Variants in DNAH11 observed in about 807,000 individuals in gnomAD.
DNAH11 encodes the protein dynein axonemal heavy chain 11.
Under a neutral mutation model 526.0 loss-of-function variants are expected in DNAH11, and 442 were observed. The observed-to-expected ratio is 0.84, with a 90% CI of 0.78 to 0.91. DNAH11 has a LOEUF of 0.91. Ranked by LOEUF, DNAH11 falls within the 40% of genes least tolerant of loss-of-function variation. The probability of loss-of-function intolerance (pLI) is 0.00; values close to 1 mark genes in which losing one functional copy is unlikely to be tolerated. For synonymous variants in DNAH11, 2,461 were observed against 1,935.9 expected (o/e 1.27, Z -7.12); for missense variants, 6,989 against 5,448.7 (o/e 1.28, Z -8.90).
intron 62 of DNAH11, among the ~76,000 whole-genome samples, chr7:21,803,047 A>C (rs913065103): frequency 6.6e-6 from 1 of 151,930 alleles, no homozygotes; most frequent in East Asian, 1.9e-4. Context: ...TACTTTTTAA[A>C]GTATAAAGTC....
intron 27 of DNAH11, among the ~76,000 whole-genome samples, chr7:21,638,691 GGTGTGTGTGTGTGTGT>G (rs56257528): frequency 2.3e-4 from 33 of 144,216 alleles, no homozygotes; most frequent in Admixed American, 4.8e-4. Flanking sequence ...CAGCTAATGG[GGTGTGTGTGTGTGTGT>G]GTGTGTGTGT....
chr7:21,839,755 T>C (rs1207115184), intron 65 of DNAH11, among the ~76,000 whole-genome samples: 4 of 151,938 alleles, frequency 2.6e-5, no homozygotes, highest in African/African-American at 9.7e-5. Flanking sequence ...ACTAATAGGG[T>C]TTTCAAAAGT....
At chr7:21,821,619 A>G (rs573562595) in intron 65 of DNAH11, among the ~76,000 whole-genome samples, 3 of 152,222 alleles carry the variant, frequency 2.0e-5, no homozygotes, top group Admixed American at 6.5e-5. Flanking sequence ...GGGGTACATG[A>G]GATATTTTGA....
chr7:21,883,362 T>C (rs867185548), intron 75 of DNAH11, among the ~76,000 whole-genome samples: 21 of 152,336 alleles, frequency 1.4e-4, no homozygotes, highest in African/African-American at 5.1e-4. Context: ...AAAGAGAGGC[T>C]TCAAACCCTG....
chr7:21,842,163 T>A (rs1330649336), intron 65 of DNAH11, among the ~76,000 whole-genome samples: 1 of 152,246 alleles, frequency 6.6e-6, no homozygotes, highest in East Asian at 1.9e-4. Context: ...GTGGTAAAAC[T>A]GGTTTCTTCA....
In DNAH11 at chr7:21,735,658, A is replaced by T. The variant is rs541281775; in HGVS notation, c.7459A>T (p.Thr2487Ser). The change falls in exon 46 of 82, where the codon ACA (threonine) becomes TCA (serine). Residue 2487 changes from threonine to serine, a missense_variant. Coordinates refer to ENST00000409508, the MANE Select transcript of DNAH11 (RefSeq NM_001277115.2). Reference protein sequence around the residue: ...VPLQTVLVHTTETARLRYFME... With the variant: ...VPLQTVLVHTSETARLRYFME... Reference sequence around the variant, plus strand: ...CTCCCAGACAGTTCTCGTTCACACAACAGAGACAGCTCGTCTTAGATATTT... The same window carrying T: ...CTCCCAGACAGTTCTCGTTCACACATCAGAGACAGCTCGTCTTAGATATTT... The T allele has an allele frequency of 4.4e-6, 7 of 1,596,622 alleles. No individual in the cohort carries two copies. The African/African-American group carries it at 9.4e-5, about 21-fold the overall frequency.
intron 53 of DNAH11, 42 bp from the exon 54 acceptor site, chr7:21,750,180 T>C: frequency 1.3e-6 from 2 of 1,526,998 alleles, no homozygotes; most frequent in Non-Finnish European, 1.8e-6. Context: ...AAAATTTAAA[T>C]TGCAATGATC....
chr7:21,587,265 T>A (rs1395623371), intron 9 of DNAH11, among the ~76,000 whole-genome samples: 2 of 152,136 alleles, frequency 1.3e-5, no homozygotes, highest in Non-Finnish European at 2.9e-5. Context: ...GTTTGAAATC[T>A]AGGGGGCTCC....
At chr7:21,885,108 GATT>G (rs1277037880) in intron 76 of DNAH11, among the ~76,000 whole-genome samples, 1 of 107,448 alleles carries the variant, frequency 9.3e-6, no homozygotes, top group Non-Finnish European at 2.0e-5. Context: ...TAAAAAAAAA[GATT>G]ATATATATCA....
intron 66 of DNAH11, among the ~76,000 whole-genome samples, chr7:21,843,316 A>G (rs1436667198): frequency 1.3e-5 from 2 of 152,174 alleles, no homozygotes; most frequent in Non-Finnish European, 2.9e-5. Flanking sequence ...TAACAAAATA[A>G]AAAAGCTAGT....
At chr7:21,720,188 C>T (rs1160932563) in intron 43 of DNAH11, among the ~76,000 whole-genome samples, 4 of 152,252 alleles carry the variant, frequency 2.6e-5, no homozygotes, top group South Asian at 4.2e-4. Context: ...TTTATGACAA[C>T]GGGTGGGAAA....
intron 20 of DNAH11, 21 bp downstream of exon 20, chr7:21,606,754 C>A (rs1785303852): frequency 1.3e-6 from 2 of 1,571,002 alleles, no homozygotes; most frequent in Non-Finnish European, 1.7e-6. Flanking sequence ...TCTCAAATAT[C>A]CTGTGTGCAT....
Position 21,704,630 on chromosome 7 carries a change from T to G in DNAH11, c.6468+2T>G, listed in dbSNP as rs1435811495. The stretch of plus-strand genomic sequence containing the variant: ...CCTGAAGAGAGCTTCATCCTCAAAG[T>G]AAAAGGAGCATTTGCTTTTCATGGC... On this transcript the variant is annotated splice_donor_variant, in intron 38 of 81. Transcript: ENST00000409508. LOFTEE classifies it high-confidence loss of function. 6.3e-7 allele frequency: 1 copy of G among 1,586,908 alleles called. No individual in the cohort carries two copies. Among genetic ancestry groups the G allele is most frequent in the Admixed American group, 2.0e-5 (1 of 50,664 alleles).
At chr7:21,623,052 T>G (rs1261722126) in intron 25 of DNAH11, among the ~76,000 whole-genome samples, 1 of 151,410 alleles carries the variant, frequency 6.6e-6, no homozygotes, top group East Asian at 1.9e-4. Context: ...TGGGAGAAAA[T>G]TTTCGCAACC....
chr7:21,796,561 G>A (rs1788721971), intron 61 of DNAH11, among the ~76,000 whole-genome samples: 1 of 152,180 alleles, frequency 6.6e-6, no homozygotes. Context: ...AGATGGTTAG[G>A]AAGGTGAATG....
At chr7:21,629,981 TTTTC>T (rs1786526957) in intron 25 of DNAH11, among the ~76,000 whole-genome samples, 1 of 152,136 alleles carries the variant, frequency 6.6e-6, no homozygotes, top group South Asian at 2.1e-4. Context: ...GTTTTGTAAT[TTTTC>T]TTTTTTACTT....
intron 61 of DNAH11, among the ~76,000 whole-genome samples, chr7:21,793,615 C>CAAAA (rs35648252): frequency 3.8e-5 from 4 of 106,142 alleles, no homozygotes; most frequent in Admixed American, 9.2e-5. Flanking sequence ...GACTCTGTCT[C>CAAAA]AAAAAAAAAA....
chr7:21,574,945 G>T (rs139466219), intron 8 of DNAH11, among the ~76,000 whole-genome samples: 5,851 of 129,846 alleles, frequency 0.045, 132 homozygotes, highest in South Asian at 0.069. Flanking sequence ...CATGATCTCA[G>T]CTCACTGCAA....
At chr7:21,874,268 T>G (rs1287800923) in intron 74 of DNAH11, among the ~76,000 whole-genome samples, 1 of 152,134 alleles carries the variant, frequency 6.6e-6, no homozygotes, top group East Asian at 1.9e-4. Context: ...GGGTTATATC[T>G]ATGACACCTT....
Sources: allele counts gnomAD v4.1 joint callset (sites outside exome capture counted in the v4.1 genomes callset), GRCh38; gene constraint gnomAD v4.1.1; transcripts MANE v1.5; gene names NCBI Gene and HGNC (gene_info 2026-07-23, HGNC 2026-07-21).